Variants in LMTK2 observed in about 807,000 individuals in gnomAD.
The protein encoded by LMTK2 is serine/threonine-protein kinase LMTK2.
In LMTK2, 37 loss-of-function variants were observed where a neutral mutation model predicts 127.5. That is an observed-to-expected ratio of 0.29 (90% CI 0.22 to 0.38). The LOEUF is 0.38. Ranked by LOEUF, LMTK2 falls within the 10% of genes least tolerant of loss-of-function variation. The pLI is 1.00. For missense variants in LMTK2, 1,694 were observed against 1,920.3 expected (o/e 0.88, Z 2.20); for synonymous variants, 819 against 810.1 (o/e 1.01, Z -0.19).
Position 98,193,897 on chromosome 7 carries a change from A to C in LMTK2, c.3432A>C (p.Gln1144His), listed in dbSNP as rs530602014. 2.5e-6 allele frequency: 4 copies of C among 1,614,056 alleles called. No homozygotes were observed. Among genetic ancestry groups the C allele is most frequent in the East Asian group, 4.5e-5 (2 of 44,876 alleles). The change falls in exon 11 of 14, where the codon CAA becomes CAC. Residue 1144 changes from glutamine to histidine, a missense_variant. Transcript: ENST00000297293. The surrounding 1 kb of genome is among the most constrained non-coding windows in gnomAD (Gnocchi z 4.1). Reference protein sequence around the residue: ...QPLPEPVLPEQSPAAQDSCLE... With the variant: ...QPLPEPVLPEHSPAAQDSCLE... ...TACCCGAGCCAGTCCTCCCCGAGCA[A>C]AGTCCTGCTGCCCAGGATAGCTGCC...
At chr7:98,139,132 C>A (rs1524266) in intron 2 of LMTK2, among the ~76,000 whole-genome samples, 1 of 152,118 alleles carries the variant, frequency 6.6e-6, no homozygotes, top group African/African-American at 2.4e-5. Flanking sequence ...AATTTTTCTT[C>A]TTTTCTTTTT....
chr7:98,126,569 A>G (rs2116340123), intron 1 of LMTK2: 1 of 152,404 alleles, frequency 6.6e-6, no homozygotes, highest in South Asian at 2.1e-4. Context: ...GGGCCCAGTC[A>G]TCTGGCAGAA....
rs560339906 is a variant in LMTK2 at position 98,123,889 on chromosome 7, A to G, written c.104-13426A>G. On this transcript the variant is annotated intron_variant, in intron 1 of 13. Transcript: ENST00000297293. ...ATCTTTTTGTCTGTGTTCTACTGCT[A>G]TGTGCAAGTATTTTTTTCAATTTCA... Among the ~76,000 whole-genome samples, 7 of 152,158 alleles carry G rather than the reference A, an allele frequency of 4.6e-5. No homozygotes were observed. In the East Asian group the frequency reaches 5.8e-4, roughly 13 times the overall value.
chr7:98,181,426 A>G (rs1418357569), intron 7 of LMTK2, among the ~76,000 whole-genome samples: 1 of 152,110 alleles, frequency 6.6e-6, no homozygotes, highest in Non-Finnish European at 1.5e-5. Context: ...CAGATATAGA[A>G]AAGCATATCC....
chr7:98,162,421 C>G (rs764321675), intron 6 of LMTK2, among the ~76,000 whole-genome samples: 1 of 152,098 alleles, frequency 6.6e-6, no homozygotes, highest in Non-Finnish European at 1.5e-5. Flanking sequence ...ACATGTTATC[C>G]AAATACTTAG....
rs769013652 is a variant in LMTK2 at position 98,208,388 on chromosome 7, GTTTGT to G, written c.*2903_*2907del. On this transcript the variant is annotated 3_prime_UTR_variant, in exon 14 of 14. Transcript: ENST00000297293. ...GCTGTGTTCAGTTCAGGTTTTTGTT[GTTTGT>G]TTTGTTATTTTTTAACTAATAAGTT... 1.3e-5 allele frequency: 2 copies of G among 151,608 alleles called. No homozygotes were observed. The highest frequency in any genetic ancestry group is 3.0e-5 in the Non-Finnish European group (2 of 67,708). 9.4% of individuals were successfully genotyped at this position (151,608 alleles called of 1,614,324 possible).
At chr7:98,187,120 G>A in intron 9 of LMTK2, 122 bp downstream of exon 9, 2 of 894,414 alleles carry the variant, frequency 2.2e-6, no homozygotes, top group Non-Finnish European at 3.3e-6. Context: ...AGTATCTGAT[G>A]GTGTGAAAAA....
chr7:98,180,806 T>TA (rs1471278151), intron 7 of LMTK2, among the ~76,000 whole-genome samples: 13 of 152,248 alleles, frequency 8.5e-5, no homozygotes, highest in South Asian at 2.1e-4. Flanking sequence ...ATACAAGCTG[T>TA]AAAAAAAATT....
intron 1 of LMTK2, among the ~76,000 whole-genome samples, chr7:98,117,996 T>C (rs1304248512): frequency 6.6e-6 from 1 of 151,928 alleles, no homozygotes; most frequent in Non-Finnish European, 1.5e-5. Flanking sequence ...AAAAACAAGA[T>C]CTGGGTGCTG....
At chr7:98,108,474 C>T (rs1270842393) in intron 1 of LMTK2, among the ~76,000 whole-genome samples, 1 of 152,114 alleles carries the variant, frequency 6.6e-6, no homozygotes, top group Non-Finnish European at 1.5e-5. Context: ...CATTGAGTGC[C>T]CTTTAGTTGA....
In LMTK2 at chr7:98,192,664, A is replaced by T. The variant is rs1797549862; in HGVS notation, c.2199A>T (p.Lys733Asn). The T allele has an allele frequency of 6.2e-7, 1 of 1,610,502 alleles. No homozygotes were observed. Among genetic ancestry groups the T allele is most frequent in the African/African-American group, 1.3e-5 (1 of 74,650 alleles). Residue 733 changes from lysine (K) to asparagine (N), a missense_variant, in exon 11 of 14, where the codon AAA becomes AAT. This residue lies in a region of LMTK2 where 527 missense variants were observed against 539.8 expected (regional missense o/e 0.98). Transcript: ENST00000297293. The stretch of plus-strand genomic sequence containing the variant: ...TTCTTCAAGAGAAAAACTTACTAAA[A>T]GGCTCATTGTCCAGCAAAGAACACA... ...FLFLQEKNLL[K>N]GSLSSKEHIN...
At position 98,203,616 on chromosome 7, in the gene LMTK2, TGCGGCCCGGACCTGA is replaced by T. The variant is rs768991035; in HGVS notation, c.4158_4172del (p.Asp1387_Pro1391del). On this transcript the variant is annotated inframe_deletion, in exon 12 of 14. Transcript: ENST00000297293. Reference sequence around the variant, plus strand: ...GCTGGGGCCCTGTGGAGGAGAGGCGTGCGGCCCGGACCTGAGCGGCCCAGCCCCAGCCTCAGGCTC... The same window carrying T: ...GCTGGGGCCCTGTGGAGGAGAGGCGTGCGGCCCAGCCCCAGCCTCAGGCTC... 1.2e-6 allele frequency: 2 copies of T among 1,610,740 alleles called. No individual in the cohort carries two copies. Among genetic ancestry groups the T allele is most frequent in the East Asian group, 2.2e-5 (1 of 44,846 alleles).
At chr7:98,158,381 A>T (rs1796960292) in intron 5 of LMTK2, among the ~76,000 whole-genome samples, 1 of 152,008 alleles carries the variant, frequency 6.6e-6, no homozygotes, top group Non-Finnish European at 1.5e-5. Flanking sequence ...CTCACGCAAT[A>T]CTCCCGGCTC....
rs1797187434 is a variant in LMTK2, at chr7:98,171,336, A to C, written c.658-205A>C. 6.6e-6 allele frequency among the ~76,000 whole-genome samples: 1 copy of C among 152,224 alleles called. No homozygotes were observed. The highest frequency in any genetic ancestry group is 2.4e-5 in the African/African-American group (1 of 41,454). On this transcript the variant is annotated intron_variant, in intron 6 of 13. Transcript: ENST00000297293. The surrounding 1 kb of genome is among the most constrained non-coding windows in gnomAD (Gnocchi z 5.1). ...GTTTTGTGTTCCATGTGTTTATGTGACAAAGATGTTAACTAGTTAGAATGT... is the reference window on the plus strand; with the variant it reads ...GTTTTGTGTTCCATGTGTTTATGTGCCAAAGATGTTAACTAGTTAGAATGT...
chr7:98,140,149 T>G (rs1562902745), intron 2 of LMTK2, among the ~76,000 whole-genome samples: 776 of 7,494 alleles, frequency 0.1, 96 homozygotes, highest in Non-Finnish European at 0.15. Flanking sequence ...TTTCTTTTCT[T>G]TTCTTTTCTT....
At chr7:98,108,026 C>G (rs1796141958) in intron 1 of LMTK2, among the ~76,000 whole-genome samples, 1 of 151,770 alleles carries the variant, frequency 6.6e-6, no homozygotes, top group African/African-American at 2.4e-5. Flanking sequence ...CAAGTTGGGT[C>G]ATTTTTCTAA....
chr7:98,156,630 A>G (rs1260178952), intron 5 of LMTK2, among the ~76,000 whole-genome samples: 1 of 152,232 alleles, frequency 6.6e-6, no homozygotes, highest in Non-Finnish European at 1.5e-5. Context: ...ACGTTAAGTT[A>G]TATATTAGCA....
intron 8 of LMTK2, among the ~76,000 whole-genome samples, chr7:98,186,339 G>T (rs1219310191): frequency 6.6e-6 from 1 of 152,126 alleles, no homozygotes; most frequent in Non-Finnish European, 1.5e-5. Flanking sequence ...GGGATTGCAG[G>T]CGTGAGCCAC....
At chr7:98,129,746 T>C (rs1026789910) in intron 1 of LMTK2, among the ~76,000 whole-genome samples, 5 of 152,172 alleles carry the variant, frequency 3.3e-5, no homozygotes, top group African/African-American at 9.7e-5. Flanking sequence ...TTCCCTTGCT[T>C]GCTTATTTTC....
Sources: allele counts gnomAD v4.1 joint callset (sites outside exome capture counted in the v4.1 genomes callset), GRCh38; gene constraint gnomAD v4.1.1; regional missense constraint gnomAD v4.1.1; non-coding constraint Gnocchi (gnomAD v3.1); transcripts MANE v1.5; gene names NCBI Gene and HGNC (gene_info 2026-07-23, HGNC 2026-07-21).